Variants in CNTN4 observed in about 807,000 individuals in gnomAD.
CNTN4 encodes contactin 4.
CNTN4 carries 77 observed loss-of-function variants against 122.5 expected under a neutral mutation model. That is an observed-to-expected ratio of 0.63 (90% CI 0.52 to 0.76). CNTN4 has a LOEUF of 0.76. Among genes scored for constraint, CNTN4 ranks in the 30% least tolerant of loss-of-function variants. The pLI, the probability that CNTN4 is intolerant of heterozygous loss-of-function variation, is 0.00. For missense variants in CNTN4, 1,256 were observed against 1,259.1 expected, an observed-to-expected ratio of 1.00 and a Z score of 0.04; for synonymous variants, 512 against 447.0, an observed-to-expected ratio of 1.15 and a Z score of -1.83.
chr3:2,540,159 T>G (rs2077976625), intron 3 of CNTN4, among the ~76,000 whole-genome samples: 1 of 152,050 alleles, frequency 6.6e-6, no homozygotes, highest in Admixed American at 6.6e-5. Flanking sequence ...GTAAGACCTA[T>G]CCATAGAAAC....
intron 2 of CNTN4, among the ~76,000 whole-genome samples, chr3:2,115,213 G>T (rs966932702): frequency 2.6e-5 from 4 of 152,188 alleles, no homozygotes; most frequent in African/African-American, 4.8e-5. Context: ...AGTAACATAA[G>T]GATGAAGAAA....
At chr3:2,222,854 A>G (rs1042811486) in intron 2 of CNTN4, among the ~76,000 whole-genome samples, 4 of 152,166 alleles carry the variant, frequency 2.6e-5, no homozygotes, top group African/African-American at 9.7e-5. Context: ...TAAACTAAAC[A>G]AACACTGGAA....
intron 4 of CNTN4, among the ~76,000 whole-genome samples, chr3:2,590,523 G>A (rs982008844): frequency 2.0e-5 from 3 of 151,658 alleles, no homozygotes; most frequent in Non-Finnish European, 4.4e-5. Flanking sequence ...TTTTCTGCTT[G>A]GGTGGCTTAC....
intron 2 of CNTN4, among the ~76,000 whole-genome samples, chr3:2,294,715 T>C (rs142597838): frequency 0.091 from 13,911 of 152,182 alleles, 716 homozygotes; most frequent in Non-Finnish European, 0.12. Context: ...TTAGGGTACA[T>C]GTGCACAACG....
At chr3:2,174,271 G>A (rs924601109) in intron 2 of CNTN4, among the ~76,000 whole-genome samples, 7 of 152,168 alleles carry the variant, frequency 4.6e-5, no homozygotes, top group African/African-American at 1.4e-4. Flanking sequence ...AGATGGAGGT[G>A]TATAAGAAAA....
intron 4 of CNTN4, among the ~76,000 whole-genome samples, chr3:2,721,988 C>G (rs1280565386): frequency 4.6e-5 from 7 of 152,140 alleles, no homozygotes; most frequent in Admixed American, 4.6e-4. Flanking sequence ...CCTCTATGAA[C>G]CAGAAAGTGG....
intron 14 of CNTN4, among the ~76,000 whole-genome samples, chr3:3,009,893 A>G (rs1424347362): frequency 6.6e-6 from 1 of 151,232 alleles, no homozygotes; most frequent in Non-Finnish European, 1.5e-5. Flanking sequence ...GAACTGGGCC[A>G]TTTCCTTGTG....
chr3:2,351,936 T>C (rs114353467), intron 3 of CNTN4, among the ~76,000 whole-genome samples: 353 of 152,288 alleles, frequency 2.3e-3, no homozygotes, highest in African/African-American at 8.2e-3. Context: ...TAATAATGTA[T>C]ATTTACCTAA....
intron 23 of CNTN4, among the ~76,000 whole-genome samples, chr3:3,044,119 A>G (rs1018535528): frequency 6.6e-6 from 1 of 152,246 alleles, no homozygotes; most frequent in African/African-American, 2.4e-5. Context: ...GTCAAGAGTT[A>G]TATAAAGAAA....
intron 3 of CNTN4, among the ~76,000 whole-genome samples, chr3:2,506,161 C>T (rs1422277175): frequency 6.6e-6 from 1 of 152,104 alleles, no homozygotes; most frequent in Non-Finnish European, 1.5e-5. Context: ...AGACACTTTC[C>T]CTTTAAGAAA....
intron 8 of CNTN4, among the ~76,000 whole-genome samples, chr3:2,882,457 G>A (rs567155895): frequency 6.6e-6 from 1 of 152,260 alleles, no homozygotes; most frequent in South Asian, 2.1e-4. Context: ...TGTTACCTTG[G>A]GCATAATTGT....
intron 4 of CNTN4, among the ~76,000 whole-genome samples, chr3:2,587,670 TAAG>T (rs1276947901): frequency 6.6e-6 from 1 of 152,234 alleles, no homozygotes; most frequent in African/African-American, 2.4e-5. Context: ...CAGTTGAATT[TAAG>T]AAGATTATCA....
At chr3:2,916,068 G>A (rs2094350246) in intron 12 of CNTN4, among the ~76,000 whole-genome samples, 1 of 152,336 alleles carries the variant, frequency 6.6e-6, no homozygotes, top group East Asian at 1.9e-4. Flanking sequence ...TCAACATTTA[G>A]TGTTGCAAAA....
intron 4 of CNTN4, among the ~76,000 whole-genome samples, chr3:2,636,940 G>GTTTTTTTTTT (rs34067643): frequency 1.1e-5 from 1 of 95,112 alleles, no homozygotes; most frequent in Non-Finnish European, 2.0e-5. Context: ...TTTTTTTTTG[G>GTTTTTTTTTT]TTTTTTTTTT....
chr3:2,775,200 A>G (rs558491113), intron 6 of CNTN4, among the ~76,000 whole-genome samples: 4 of 152,208 alleles, frequency 2.6e-5, no homozygotes, highest in Non-Finnish European at 5.9e-5. Context: ...AGGGAATTGC[A>G]TTGGCTTATT....
At chr3:2,857,556 C>A (rs572265920) in intron 7 of CNTN4, among the ~76,000 whole-genome samples, 32 of 152,178 alleles carry the variant, frequency 2.1e-4, no homozygotes, top group Non-Finnish European at 4.3e-4. Context: ...TTTGATCACA[C>A]TGAACAGACT....
At chr3:2,108,087 T>C (rs905851686) in intron 2 of CNTN4, among the ~76,000 whole-genome samples, 1 of 152,104 alleles carries the variant, frequency 6.6e-6, no homozygotes, top group African/African-American at 2.4e-5. Context: ...ATCACTTCCC[T>C]GTTCCTATCC....
intron 6 of CNTN4, among the ~76,000 whole-genome samples, chr3:2,800,576 T>G (rs1005421873): frequency 6.6e-6 from 1 of 152,184 alleles, no homozygotes; most frequent in Non-Finnish European, 1.5e-5. Context: ...AGACATGTAA[T>G]AAGCAATCAT....
chr3:2,433,597 T>G (rs1559549082), intron 3 of CNTN4, among the ~76,000 whole-genome samples: 1 of 152,334 alleles, frequency 6.6e-6, no homozygotes, highest in African/African-American at 2.4e-5. Context: ...AGTTGTTTCT[T>G]TGGCTGTACA....
Sources: gnomAD v4.1 joint callset for allele counts (sites outside exome capture counted in the v4.1 genomes callset) on GRCh38, gnomAD v4.1.1 for gene constraint, MANE v1.5 for transcripts, NCBI Gene and HGNC (gene_info 2026-07-23, HGNC 2026-07-21) for gene names.